The following CSMD1 variants were observed in gnomAD, a reference collection of about 807,000 sequenced individuals.
CSMD1 encodes the protein CUB and Sushi multiple domains 1, also known as CUB and sushi domain-containing protein 1.
A neutral mutation model predicts 417.5 loss-of-function variants in CSMD1; 213 were observed. The observed-to-expected ratio is 0.51, with a 90% CI of 0.46 to 0.57. The LOEUF is 0.57. Among genes scored for constraint, CSMD1 ranks in the 20% least tolerant of loss-of-function variants. The probability of loss-of-function intolerance (pLI) is 0.00; values close to 1 mark genes in which losing one functional copy is unlikely to be tolerated. For synonymous variants in CSMD1, 2,862 were observed against 1,736.8 expected (o/e 1.65, Z -16.11); for missense variants, 6,923 against 4,529.7 (o/e 1.53, Z -15.17).
chr8:4,821,815 A>G (rs1799540472), intron 1 of CSMD1, among the ~76,000 whole-genome samples: 1 of 152,144 alleles, frequency 6.6e-6, no homozygotes, highest in Non-Finnish European at 1.5e-5. Flanking sequence ...TAACTAAATA[A>G]AAGCCAACAA....
intron 3 of CSMD1, among the ~76,000 whole-genome samples, chr8:4,100,435 T>A (rs1801247185): frequency 6.6e-6 from 1 of 152,184 alleles, no homozygotes; most frequent in Non-Finnish European, 1.5e-5. Flanking sequence ...CAAAGCAGAA[T>A]CAAATTCACT....
chr8:3,374,060 C>A (rs564961436), intron 18 of CSMD1, among the ~76,000 whole-genome samples: 2 of 150,508 alleles, frequency 1.3e-5, no homozygotes, highest in African/African-American at 4.9e-5. Context: ...TCAAGCAATT[C>A]TCCTCCCTCA....
chr8:3,078,570 A>C (rs1813856638), intron 49 of CSMD1, among the ~76,000 whole-genome samples: 1 of 152,212 alleles, frequency 6.6e-6, no homozygotes, highest in Non-Finnish European at 1.5e-5. Context: ...TGTGGGTCGA[A>C]ACCAGCCTGC....
intron 2 of CSMD1, among the ~76,000 whole-genome samples, chr8:4,575,451 G>C (rs1799093147): frequency 6.6e-6 from 1 of 152,158 alleles, no homozygotes; most frequent in African/African-American, 2.4e-5. Context: ...ACATCCGGCA[G>C]GTCATTAATT....
chr8:3,414,812 G>C (rs886572733), intron 12 of CSMD1, among the ~76,000 whole-genome samples: 1 of 152,112 alleles, frequency 6.6e-6, no homozygotes, highest in Non-Finnish European at 1.5e-5. Flanking sequence ...TAAATATTTA[G>C]TCCATTCTTT....
intron 1 of CSMD1, among the ~76,000 whole-genome samples, chr8:4,903,613 A>G (rs1476019464): frequency 6.6e-6 from 1 of 152,240 alleles, no homozygotes; most frequent in Non-Finnish European, 1.5e-5. Flanking sequence ...ATGATAAAAC[A>G]TTATGAAGTA....
chr8:4,499,390 G>A (rs1335703076), intron 2 of CSMD1, among the ~76,000 whole-genome samples: 3 of 152,094 alleles, frequency 2.0e-5, no homozygotes, highest in Admixed American at 6.6e-5. Context: ...TGCAGAGAGG[G>A]GTCAGGTTCT....
chr8:4,079,137 G>C (rs1053501610), intron 3 of CSMD1, among the ~76,000 whole-genome samples: 33 of 151,584 alleles, frequency 2.2e-4, no homozygotes, highest in Admixed American at 2.2e-3. Context: ...TCAACTACTG[G>C]ATCATATAAA....
intron 3 of CSMD1, among the ~76,000 whole-genome samples, chr8:4,318,710 TCTCAAAAAAAAAAA>T (rs1799086283): frequency 6.4e-5 from 2 of 31,240 alleles, no homozygotes; most frequent in African/African-American, 1.1e-4. Context: ...TATTTTAAAA[TCTCAAAAAAAAAAA>T]AAAGCCACTC....
In CSMD1 at chr8:4,586,183, G is replaced by A. The variant is rs550205588; in HGVS notation, c.302+51159C>T. Among the ~76,000 whole-genome samples the A allele has an allele frequency of 2.0e-3, 301 of 152,134 alleles. 3 individuals carry two copies. The highest frequency in any genetic ancestry group is 7.0e-3 in the African/African-American group (292 of 41,500). Reference sequence around the variant, plus strand: ...AAAAACATGCCAATTCCACTCTTTTGGTTATTTTTAAATACATAATAAATT... The same window carrying A: ...AAAAACATGCCAATTCCACTCTTTTAGTTATTTTTAAATACATAATAAATT... On this transcript the variant is annotated intron_variant, in intron 2 of 69. Coordinates refer to ENST00000635120, the MANE Select transcript of CSMD1 (RefSeq NM_033225.6).
At chr8:3,991,417 G>C (rs1814740293) in intron 5 of CSMD1, among the ~76,000 whole-genome samples, 1 of 152,096 alleles carries the variant, frequency 6.6e-6, no homozygotes, top group Non-Finnish European at 1.5e-5. Flanking sequence ...ACATCTTTAT[G>C]CGACAGCTTC....
intron 1 of CSMD1, among the ~76,000 whole-genome samples, chr8:4,980,449 A>C (rs997850429): frequency 1.3e-5 from 2 of 152,182 alleles, no homozygotes; most frequent in Non-Finnish European, 2.9e-5. Context: ...TCAGGCGAGG[A>C]GGCTTTCAAG....
chr8:4,620,072 T>C (rs1285429549), intron 2 of CSMD1, among the ~76,000 whole-genome samples: 1 of 152,000 alleles, frequency 6.6e-6, no homozygotes, highest in Non-Finnish European at 1.5e-5. Flanking sequence ...ATTAACACAA[T>C]AAATACTGCT....
chr8:4,773,521 G>C (rs1046459758), intron 1 of CSMD1, among the ~76,000 whole-genome samples: 3 of 152,130 alleles, frequency 2.0e-5, no homozygotes, highest in African/African-American at 7.2e-5. Context: ...TCCTCAACCA[G>C]TTTTTATGAT....
rs543185677 is a variant in CSMD1 at position 4,674,310 on chromosome 8, G to A, written c.86-36752C>T. ...CAGGGCACAGGGATGGACCTGGATT[G>A]AGGCTGAAAAAAATGCTAAGGAAGG... On this transcript the variant is annotated intron_variant, in intron 1 of 69. Transcript: ENST00000635120. 1.3e-3 allele frequency among the ~76,000 whole-genome samples: 197 copies of A among 152,054 alleles called. 1 individual carries two copies. The highest frequency in any genetic ancestry group is 1.9e-3 in the Non-Finnish European group (127 of 67,996).
chr8:4,931,862 C>G (rs1807271624), intron 1 of CSMD1, among the ~76,000 whole-genome samples: 1 of 152,128 alleles, frequency 6.6e-6, no homozygotes, highest in African/African-American at 2.4e-5. Context: ...ATTTTCAAAA[C>G]TTCAAAGTTT....
intron 8 of CSMD1, among the ~76,000 whole-genome samples, chr8:3,592,709 T>A (rs1312949271): frequency 6.6e-6 from 1 of 151,962 alleles, no homozygotes; most frequent in Non-Finnish European, 1.5e-5. Flanking sequence ...TGTGTGTGTG[T>A]GAGTATGCAC....
chr8:3,393,505 T>C (rs2116840730), intron 17 of CSMD1, among the ~76,000 whole-genome samples: 1 of 152,276 alleles, frequency 6.6e-6, no homozygotes, highest in South Asian at 2.1e-4. Context: ...CATGTGTCTG[T>C]TGGCTGCATA....
chr8:4,904,763 T>C (rs1285838929), intron 1 of CSMD1, among the ~76,000 whole-genome samples: 2 of 152,160 alleles, frequency 1.3e-5, no homozygotes, highest in African/African-American at 2.4e-5. Context: ...ACACCTTTAA[T>C]ATGTAAAAAC....
Sources: gnomAD v4.1 joint callset for allele counts (sites outside exome capture counted in the v4.1 genomes callset) on GRCh38, gnomAD v4.1.1 for gene constraint, MANE v1.5 for transcripts, NCBI Gene and HGNC (gene_info 2026-07-23, HGNC 2026-07-21) for gene names.